LAMA2: variants seen among roughly 807,000 people sequenced by gnomAD.
LAMA2 encodes the protein laminin subunit alpha-2.
A neutral mutation model predicts 364.8 loss-of-function variants in LAMA2; 269 were observed. The ratio of observed to expected loss-of-function variants is 0.74; its 90% CI spans 0.67 to 0.82. LAMA2 has a LOEUF of 0.82. Among genes scored for constraint, LAMA2 ranks in the 40% least tolerant of loss-of-function variants. LAMA2 has a pLI of 0.00. For synonymous variants in LAMA2, 1,379 were observed against 1,370.6 expected (o/e 1.01, Z -0.14); for missense variants, 3,807 against 3,873.2 (o/e 0.98, Z 0.45).
intron 1 of LAMA2, among the ~76,000 whole-genome samples, chr6:128,889,000 G>A (rs957445167): frequency 5.3e-5 from 8 of 152,166 alleles, no homozygotes; most frequent in Non-Finnish European, 8.8e-5. Context: ...TTATCATGGT[G>A]AAGCTCAGAT....
intron 30 of LAMA2, among the ~76,000 whole-genome samples, chr6:129,345,621 A>G (rs1368240669): frequency 6.6e-6 from 1 of 152,186 alleles, no homozygotes; most frequent in East Asian, 1.9e-4. Flanking sequence ...TTCAAACTTT[A>G]TTGATTGCAT....
At chr6:129,383,691 C>T (rs951303184) in intron 35 of LAMA2, among the ~76,000 whole-genome samples, 1 of 152,140 alleles carries the variant, frequency 6.6e-6, no homozygotes, top group African/African-American at 2.4e-5. Context: ...GGATGTGCTA[C>T]TTTATGAGAA....
chr6:128,973,539 G>C (rs1185339690), intron 1 of LAMA2, among the ~76,000 whole-genome samples: 1 of 152,072 alleles, frequency 6.6e-6, no homozygotes, highest in East Asian at 1.9e-4. Context: ...AACTATAACA[G>C]TATTTTTGGC....
intron 12 of LAMA2, among the ~76,000 whole-genome samples, chr6:129,237,834 T>A (rs1352066489): frequency 6.6e-6 from 1 of 152,074 alleles, no homozygotes; most frequent in Non-Finnish European, 1.5e-5. Context: ...ATTATCAAAC[T>A]TTTGGGTCTT....
chr6:129,413,250 T>A (rs1166420493), intron 40 of LAMA2, among the ~76,000 whole-genome samples: 1 of 151,818 alleles, frequency 6.6e-6, no homozygotes, highest in Non-Finnish European at 1.5e-5. Context: ...CAAGGAAAAC[T>A]AAAAAATTAT....
chr6:129,125,876 A>G (rs139523285), intron 4 of LAMA2, among the ~76,000 whole-genome samples: 1 of 152,304 alleles, frequency 6.6e-6, no homozygotes, highest in East Asian at 1.9e-4. Context: ...TTGCATTCAT[A>G]TATTATAACA....
intron 12 of LAMA2, among the ~76,000 whole-genome samples, chr6:129,234,540 AT>A (rs1007245384): frequency 6.6e-6 from 1 of 152,134 alleles, no homozygotes; most frequent in Non-Finnish European, 1.5e-5. Context: ...TGGAATTGGA[AT>A]TTTTTCATAA....
intron 4 of LAMA2, among the ~76,000 whole-genome samples, chr6:129,134,376 T>C (rs1309505711): frequency 6.6e-6 from 1 of 152,260 alleles, no homozygotes; most frequent in Non-Finnish European, 1.5e-5. Context: ...TAGCTTTTAC[T>C]TACTAAAGTA....
At chr6:129,456,084 C>G (rs1274831935) in intron 47 of LAMA2, among the ~76,000 whole-genome samples, 1 of 152,126 alleles carries the variant, frequency 6.6e-6, no homozygotes, top group Non-Finnish European at 1.5e-5. Context: ...TGAACACACA[C>G]AGAATCAGGA....
At chr6:129,129,639 T>C (rs879267848) in intron 4 of LAMA2, among the ~76,000 whole-genome samples, 5 of 152,160 alleles carry the variant, frequency 3.3e-5, no homozygotes, top group Non-Finnish European at 5.9e-5. Context: ...AAATAACATA[T>C]TTTGGCCGGG....
At chr6:129,178,609 T>A (rs949204646) in intron 10 of LAMA2, among the ~76,000 whole-genome samples, 12 of 152,194 alleles carry the variant, frequency 7.9e-5, no homozygotes, top group African/African-American at 2.9e-4. Flanking sequence ...TGAACCATTC[T>A]TTGAAAAAGT....
At chr6:129,176,378 AT>A (rs1223396003) in intron 9 of LAMA2, among the ~76,000 whole-genome samples, 14 of 151,914 alleles carry the variant, frequency 9.2e-5, no homozygotes, top group Non-Finnish European at 1.8e-4. Flanking sequence ...ATAATTGAGT[AT>A]TTTTTATAGT....
chr6:129,375,036 T>C (rs947229566), intron 34 of LAMA2, among the ~76,000 whole-genome samples: 3 of 152,126 alleles, frequency 2.0e-5, no homozygotes, highest in Non-Finnish European at 4.4e-5. Flanking sequence ...TTTTATATTT[T>C]ATACTCATTG....
At chr6:129,316,897 A>G (rs929756442) in intron 27 of LAMA2, among the ~76,000 whole-genome samples, 2 of 152,218 alleles carry the variant, frequency 1.3e-5, no homozygotes, top group Non-Finnish European at 2.9e-5. Flanking sequence ...TGAGCCCAAT[A>G]TTATGAGTGT....
At chr6:129,154,362 A>T (rs560839747) in intron 7 of LAMA2, 143 bp from the exon 8 acceptor site, 2 of 675,814 alleles carry the variant, frequency 3.0e-6, no homozygotes, top group Non-Finnish European at 5.1e-6. Flanking sequence ...CAGTGAGCCG[A>T]GATCGTGCCA....
Position 129,487,797 on chromosome 6 carries a change from C to T in LAMA2, c.7898+1175C>T, listed in dbSNP as rs118022578. Among the ~76,000 whole-genome samples the T allele has an allele frequency of 8.1e-3, 1,240 of 152,180 alleles. 6 individuals are homozygous for T. The highest frequency in any genetic ancestry group is 0.014 in the Non-Finnish European group (927 of 68,006). ...TACTGAGACGTTTAGAAACCATGAT[C>T]GAGACAAATGAGGGATCATTTATTT... On this transcript the variant is annotated intron_variant, in intron 56 of 64. Coordinates refer to ENST00000421865, the MANE Select transcript of LAMA2 (RefSeq NM_000426.4).
rs146012956 is a variant in LAMA2 at position 129,472,650 on chromosome 6, T to A, written c.7301-564T>A. 2.9e-4 allele frequency among the ~76,000 whole-genome samples: 44 copies of A among 152,100 alleles called. 1 individual carries two copies. The highest frequency in any genetic ancestry group is 4.1e-4 in the South Asian group (2 of 4,820). ...TGTACCTCTGTCACAACACTTAGCA[T>A]CCTGGTCTAAAATGTAATTTACAGT... On this transcript the variant is annotated intron_variant, in intron 51 of 64. Transcript: ENST00000421865.
chr6:128,893,017 C>A (rs1582615047), intron 1 of LAMA2, among the ~76,000 whole-genome samples: 1 of 151,926 alleles, frequency 6.6e-6, no homozygotes, highest in African/African-American at 2.4e-5. Context: ...TTCAATCTTG[C>A]CTAACACATA....
intron 30 of LAMA2, among the ~76,000 whole-genome samples, chr6:129,346,308 T>C (rs568834332): frequency 6.6e-6 from 1 of 152,310 alleles, no homozygotes; most frequent in East Asian, 1.9e-4. Context: ...ATTAGCAGTC[T>C]GCTCTTGCTA....
Sources: gnomAD v4.1 joint callset for allele counts (sites outside exome capture counted in the v4.1 genomes callset) on GRCh38, gnomAD v4.1.1 for gene constraint, MANE v1.5 for transcripts, NCBI Gene and HGNC (gene_info 2026-07-23, HGNC 2026-07-21) for gene names.